HERC6: variants seen among roughly 807,000 people sequenced by gnomAD.
HERC6 encodes HECT and RLD domain containing E3 ubiquitin protein ligase family member 6, also known as probable E3 ubiquitin-protein ligase HERC6.
In HERC6, 101 loss-of-function variants were observed where a neutral mutation model predicts 114.5. The observed-to-expected ratio is 0.88, with a 90% CI of 0.75 to 1.04. The LOEUF (loss-of-function observed/expected upper bound fraction) is 1.04. HERC6 is among the 50% of genes least tolerant of loss of function. HERC6 has a pLI of 0.00. For synonymous variants in HERC6, 408 were observed against 436.2 expected (o/e 0.94, Z 0.81); for missense variants, 1,133 against 1,230.9 (o/e 0.92, Z 1.19).
intron 2 of HERC6, among the ~76,000 whole-genome samples, chr4:88,384,058 TA>T (rs1202309002): frequency 1.3e-5 from 2 of 152,088 alleles, no homozygotes; most frequent in Non-Finnish European, 2.9e-5. Context: ...TTTATCATAC[TA>T]AAACAGAGCC....
rs369034624 is a variant in HERC6 at position 88,390,893 on chromosome 4, C to G, written c.664+14C>G. ...GTAATGTCCCAGGTAAGGAGATAGT[C>G]TTGTTTGTGCAGTAAATCATTCTTT... is the stretch of plus-strand genomic sequence containing the variant. On this transcript the variant is annotated intron_variant, in intron 4 of 22. Transcript: ENST00000264346. 2 of 1,588,800 alleles carry G rather than the reference C, an allele frequency of 1.3e-6. No homozygotes were observed. The highest frequency in any genetic ancestry group is 2.3e-5 in the East Asian group (1 of 44,432).
chr4:88,398,203 T>C lies in HERC6; in HGVS notation c.1086T>C (p.Thr362=). ...GAACATATGCCAACTTTGTGACAAC[T>C]CATCAGGTATCTATTATACTTTTTG... is the stretch of plus-strand genomic sequence containing the variant. ...FAGTYANFVT[T]HQDTSSTRAP... The change falls in exon 8 of 23, where the codon ACT becomes ACC. Residue 362 remains threonine, a synonymous_variant. Transcript: ENST00000264346. 1.9e-6 allele frequency: 3 copies of C among 1,581,532 alleles called. No individual in the cohort carries two copies. The highest frequency in any genetic ancestry group is 1.7e-6 in the Non-Finnish European group (2 of 1,163,812).
intron 8 of HERC6, chr4:88,398,460 G>T (rs993810505): frequency 3.1e-6 from 1 of 321,104 alleles, no homozygotes. Flanking sequence ...TGTGTTTGTT[G>T]AATTTGCATC....
chr4:88,420,751 G>T (rs1322186214), intron 13 of HERC6, among the ~76,000 whole-genome samples: 1 of 152,124 alleles, frequency 6.6e-6, no homozygotes, highest in Non-Finnish European at 1.5e-5. Flanking sequence ...GGGCAACATA[G>T]TGAGACCTTG....
chr4:88,379,926 T>C (rs1734111115), intron 1 of HERC6, among the ~76,000 whole-genome samples: 4 of 15,928 alleles, frequency 2.5e-4, no homozygotes, highest in Non-Finnish European at 3.6e-4. Flanking sequence ...TAAATATATA[T>C]AATATATAAA....
intron 12 of HERC6, 75 bp from the exon 13 acceptor site, chr4:88,417,350 A>G: frequency 7.5e-7 from 1 of 1,332,382 alleles, no homozygotes. Context: ...TCTTACATTA[A>G]AGAACCCACT....
In HERC6 at chr4:88,408,592, CA is replaced by C. The variant is rs1560546914; in HGVS notation, c.1349del (p.Lys450ArgfsTer7). 2.5e-6 allele frequency: 4 copies of C among 1,588,304 alleles called. No homozygotes were observed. The South Asian group carries it at 4.6e-5, about 18-fold the overall frequency. ...GCAAGAGATACCTTCAAGAAGTTAA[CA>C]AAAAAGGAATGGATTTCTTCCATGG... ...EMARDTFKKL[T>X]KKEWISSMIT... On this transcript the variant is annotated frameshift_variant, in exon 11 of 23. Coordinates refer to ENST00000264346, the MANE Select transcript of HERC6 (RefSeq NM_017912.4). LOFTEE classifies it high-confidence loss of function.
At chr4:88,440,277 C>T (rs759299941) in intron 22 of HERC6, 27 bp downstream of exon 22, 90 of 1,183,030 alleles carry the variant, frequency 7.6e-5, no homozygotes, top group Non-Finnish European at 1.1e-4. Flanking sequence ...TAGATGGACA[C>T]ATAATTATGT....
At chr4:88,433,767 T>C (rs1270907265) in intron 17 of HERC6, among the ~76,000 whole-genome samples, 1 of 152,226 alleles carries the variant, frequency 6.6e-6, no homozygotes, top group Admixed American at 6.5e-5. Flanking sequence ...GAAAATGAAC[T>C]AAGGCATATT....
At chr4:88,402,207 C>G (rs561165637) in intron 8 of HERC6, among the ~76,000 whole-genome samples, 1 of 152,226 alleles carries the variant, frequency 6.6e-6, no homozygotes, top group East Asian at 1.9e-4. Flanking sequence ...AGAACATTTC[C>G]AATAGAAATT....
At chr4:88,435,104 G>A (rs1397149942) in intron 17 of HERC6, among the ~76,000 whole-genome samples, 2 of 152,198 alleles carry the variant, frequency 1.3e-5, no homozygotes, top group Non-Finnish European at 2.9e-5. Context: ...CTACTGTGCT[G>A]CAATCATGGC....
At chr4:88,437,301 C>T (rs1215992108) in intron 19 of HERC6, among the ~76,000 whole-genome samples, 2 of 152,024 alleles carry the variant, frequency 1.3e-5, no homozygotes, top group African/African-American at 4.8e-5. Flanking sequence ...AAGTGATCCA[C>T]CTGTCTCAGC....
chr4:88,420,767 A>AT (rs1736964982), intron 13 of HERC6, among the ~76,000 whole-genome samples: 1 of 152,274 alleles, frequency 6.6e-6, no homozygotes, highest in African/African-American at 2.4e-5. Context: ...CCTTGTCTCT[A>AT]TTTTTTTAAA....
At chr4:88,385,376 C>A in intron 2 of HERC6, 123 bp from the exon 3 acceptor site, 2 of 622,286 alleles carry the variant, frequency 3.2e-6, no homozygotes, top group Non-Finnish European at 5.7e-6. Flanking sequence ...TATAGAAATA[C>A]AAGAAAATAA....
chr4:88,393,423 A>T, intron 4 of HERC6, 65 bp from the exon 5 acceptor site: 1 of 808,042 alleles, frequency 1.2e-6, no homozygotes. Flanking sequence ...AGATATTAAA[A>T]TGTAAATAGT....
chr4:88,423,379 C>T (rs1560561795), intron 13 of HERC6, among the ~76,000 whole-genome samples: 1 of 152,236 alleles, frequency 6.6e-6, no homozygotes, highest in Non-Finnish European at 1.5e-5. Flanking sequence ...AATCTACACC[C>T]AAGGGCAGTC....
At chr4:88,396,217 T>C in intron 6 of HERC6, 75 bp downstream of exon 6, 5 of 1,224,136 alleles carry the variant, frequency 4.1e-6, no homozygotes, top group Non-Finnish European at 4.3e-6. Context: ...AAATGACTCA[T>C]ATGGAATGTT....
intron 12 of HERC6, among the ~76,000 whole-genome samples, chr4:88,416,593 C>G (rs1736500983): frequency 2.0e-5 from 3 of 151,876 alleles, no homozygotes; most frequent in Non-Finnish European, 4.4e-5. Flanking sequence ...TCCCATCCTC[C>G]TGCTGTAATT....
Position 88,428,769 on chromosome 4 carries a change from T to G in HERC6, c.2106+19T>G. On this transcript the variant is annotated intron_variant, in intron 16 of 22. Transcript: ENST00000264346. ...ATTAGTGGTACAGTAAAAAGTCTCA[T>G]TGAACATTTTTACTTCTGTGGGAGG... is the stretch of plus-strand genomic sequence containing the variant. 6.8e-7 allele frequency: 1 copy of G among 1,480,770 alleles called. No homozygotes were observed. Among genetic ancestry groups the G allele is most frequent in the Non-Finnish European group, 9.0e-7 (1 of 1,116,136 alleles). The allele number at this position is 1,480,770 out of a possible 1,614,324, so 91.7% of individuals were successfully genotyped here.
Sources: gnomAD v4.1 joint callset for allele counts (sites outside exome capture counted in the v4.1 genomes callset) on GRCh38, gnomAD v4.1.1 for gene constraint, MANE v1.5 for transcripts, NCBI Gene and HGNC (gene_info 2026-07-23, HGNC 2026-07-21) for gene names.